SLC13A1: variants seen among roughly 807,000 people sequenced by gnomAD.
The protein encoded by SLC13A1 is Na(+)/sulfate cotransporter.
SLC13A1 carries 65 observed loss-of-function variants against 70.0 expected under a neutral mutation model. The observed-to-expected ratio is 0.93, with a 90% CI of 0.76 to 1.14. SLC13A1 has a LOEUF of 1.14. Among genes scored for constraint, SLC13A1 ranks in the 50% most tolerant of loss-of-function variants. The pLI is 0.00. For synonymous variants in SLC13A1, 275 were observed against 250.5 expected (o/e 1.10, Z -0.92); for missense variants, 726 against 717.8 (o/e 1.01, Z -0.13).
chr7:123,161,934 C>T (rs2204288), intron 6 of SLC13A1, among the ~76,000 whole-genome samples: 91,993 of 151,722 alleles, frequency 0.61, 28,023 homozygotes, highest in East Asian at 0.66. Flanking sequence ...TGTTATTCTT[C>T]AAAATATTTA....
At chr7:123,178,803 A>C (rs1050522873) in intron 2 of SLC13A1, among the ~76,000 whole-genome samples, 9 of 152,156 alleles carry the variant, frequency 5.9e-5, no homozygotes, top group African/African-American at 2.2e-4. Context: ...CAAGGTGAAG[A>C]GAATCACATA....
At chr7:123,161,280 AAAATAATCTTT>A (rs1794886470) in intron 6 of SLC13A1, among the ~76,000 whole-genome samples, 1 of 151,130 alleles carries the variant, frequency 6.6e-6, no homozygotes, top group Non-Finnish European at 1.5e-5. Flanking sequence ...AGATTATTTA[AAAATAATCTTT>A]AAATAATCTT....
At chr7:123,160,270 C>CA (rs1384770804) in intron 6 of SLC13A1, among the ~76,000 whole-genome samples, 675 of 53,458 alleles carry the variant, frequency 0.013, 4 homozygotes, top group Middle Eastern at 0.026. Context: ...GACTCAGTCT[C>CA]AAAAAAAAAA....
intron 1 of SLC13A1, chr7:123,190,604 T>C (rs1413555811): frequency 2.2e-6 from 1 of 456,572 alleles, no homozygotes; most frequent in Non-Finnish European, 4.4e-6. Flanking sequence ...CTTGGAAAAG[T>C]CAGAATAAGC....
intron 2 of SLC13A1, among the ~76,000 whole-genome samples, chr7:123,178,962 A>G (rs535552581): frequency 6.4e-4 from 98 of 152,058 alleles, no homozygotes; most frequent in Non-Finnish European, 1.1e-3. Flanking sequence ...AGTACTTACT[A>G]TGTAATGAAA....
chr7:123,150,166 C>G (rs1794505528), intron 6 of SLC13A1, among the ~76,000 whole-genome samples: 1 of 152,154 alleles, frequency 6.6e-6, no homozygotes, highest in South Asian at 2.1e-4. Context: ...CCTCTTTCCA[C>G]AAGGAAATAT....
At chr7:123,138,651 T>C (rs1794032835) in intron 7 of SLC13A1, among the ~76,000 whole-genome samples, 1 of 152,204 alleles carries the variant, frequency 6.6e-6, no homozygotes, top group Non-Finnish European at 1.5e-5. Context: ...AGTTTTGATT[T>C]ACATTTCTCT....
At chr7:123,195,095 C>T (rs1017081807) in intron 1 of SLC13A1, among the ~76,000 whole-genome samples, 1 of 152,122 alleles carries the variant, frequency 6.6e-6, no homozygotes, top group African/African-American at 2.4e-5. Flanking sequence ...CTGCTTATAT[C>T]ACACAATTCA....
At chr7:123,172,699 C>T (rs974350390) in intron 2 of SLC13A1, among the ~76,000 whole-genome samples, 1 of 152,116 alleles carries the variant, frequency 6.6e-6, no homozygotes, top group Non-Finnish European at 1.5e-5. Context: ...CAGTCAACAC[C>T]ATTCAGAGAT....
At chr7:123,190,374 G>A in intron 1 of SLC13A1, 1 of 335,486 alleles carries the variant, frequency 3.0e-6, no homozygotes, top group Non-Finnish European at 5.9e-6. Flanking sequence ...GGCTACCTCA[G>A]ATGCAACTTT....
rs3837116 is a variant in SLC13A1, at chr7:123,129,324, C to CTG, written c.1031+57_1031+58dup. ...AGTGTAAACAGCATTTCTCTCTTCT[C>CTG]TGTGTGTGTGTGTGTGTGTGTGTGT... On this transcript the variant is annotated intron_variant, in intron 9 of 14. Coordinates refer to ENST00000194130, the MANE Select transcript of SLC13A1 (RefSeq NM_022444.4). 960 of 781,098 alleles carry CTG rather than the reference C, an allele frequency of 1.2e-3. 4 individuals carry two copies. In the African/African-American group the frequency reaches 0.012, roughly 10 times the overall value. 48.4% of individuals were successfully genotyped at this position (781,098 alleles called of 1,614,324 possible).
chr7:123,159,602 T>G (rs1794818680), intron 6 of SLC13A1, among the ~76,000 whole-genome samples: 1 of 152,138 alleles, frequency 6.6e-6, no homozygotes, highest in Non-Finnish European at 1.5e-5. Context: ...ATCCTTGCTG[T>G]CTAACAATAT....
chr7:123,173,741 A>G (rs1585378486), intron 2 of SLC13A1, among the ~76,000 whole-genome samples: 1 of 152,018 alleles, frequency 6.6e-6, no homozygotes, highest in Non-Finnish European at 1.5e-5. Context: ...GCTAACCATC[A>G]CGTATTTTGC....
At chr7:123,185,185 A>T (rs1795758796) in intron 1 of SLC13A1, among the ~76,000 whole-genome samples, 1 of 152,086 alleles carries the variant, frequency 6.6e-6, no homozygotes, top group Non-Finnish European at 1.5e-5. Flanking sequence ...TTTGATATTA[A>T]TCTCTTATCA....
At chr7:123,198,967 G>A (rs1241058845) in intron 1 of SLC13A1, among the ~76,000 whole-genome samples, 1 of 152,066 alleles carries the variant, frequency 6.6e-6, no homozygotes, top group Non-Finnish European at 1.5e-5. Context: ...CAACAAGCCT[G>A]CTACTATACA....
intron 13 of SLC13A1, among the ~76,000 whole-genome samples, chr7:123,118,114 G>A (rs1356776912): frequency 1.3e-5 from 2 of 152,046 alleles, no homozygotes; most frequent in African/African-American, 2.4e-5. Flanking sequence ...CAGCTGGTGA[G>A]CAACAGAGCT....
At chr7:123,117,656 C>T in intron 13 of SLC13A1, 48 bp from the exon 14 acceptor site, 1 of 1,300,032 alleles carries the variant, frequency 7.7e-7, no homozygotes, top group Non-Finnish European at 1.0e-6. Context: ...TGAGGGTAGA[C>T]ACGAAACATA....
At chr7:123,149,656 G>C (rs1022120832) in intron 6 of SLC13A1, 1 of 455,948 alleles carries the variant, frequency 2.2e-6, no homozygotes, top group African/African-American at 2.0e-5. Context: ...CTAAGTGTGT[G>C]CTTGATATTA....
chr7:123,172,175 C>T (rs963042058), intron 2 of SLC13A1, among the ~76,000 whole-genome samples: 1 of 152,084 alleles, frequency 6.6e-6, no homozygotes, highest in Non-Finnish European at 1.5e-5. Context: ...TCTATTGGGG[C>T]TAATTTGTTT....
Sources: allele counts gnomAD v4.1 joint callset (sites outside exome capture counted in the v4.1 genomes callset), GRCh38; gene constraint gnomAD v4.1.1; transcripts MANE v1.5; gene names NCBI Gene and HGNC (gene_info 2026-07-23, HGNC 2026-07-21).